PDE8A: variants seen among roughly 807,000 people sequenced by gnomAD.
PDE8A encodes phosphodiesterase 8A, also known as high affinity cAMP-specific and IBMX-insensitive 3',5'-cyclic phosphodiesterase 8A.
In PDE8A, 59 loss-of-function variants were observed where a neutral mutation model predicts 105.0. That is an observed-to-expected ratio of 0.56 (90% CI 0.46 to 0.70). The LOEUF (loss-of-function observed/expected upper bound fraction) is 0.70, where lower values mean the gene tolerates loss of function less well. Ranked by LOEUF, PDE8A falls within the 30% of genes least tolerant of loss-of-function variation. The probability of loss-of-function intolerance (pLI) is 0.00; values close to 1 mark genes in which losing one functional copy is unlikely to be tolerated. For missense variants in PDE8A, 1,014 were observed against 1,045.9 expected (o/e 0.97, Z 0.42); for synonymous variants, 355 against 371.9 (o/e 0.95, Z 0.52).
chr15:85,110,084 C>A (rs2081999614), intron 12 of PDE8A, among the ~76,000 whole-genome samples: 2 of 152,114 alleles, frequency 1.3e-5, no homozygotes, highest in Admixed American at 1.3e-4. Context: ...TGTGAGGATT[C>A]AATGAGTGTG....
At chr15:84,998,786 A>G (rs1467897478) in intron 1 of PDE8A, among the ~76,000 whole-genome samples, 5 of 152,158 alleles carry the variant, frequency 3.3e-5, no homozygotes, top group Non-Finnish European at 7.3e-5. Context: ...ACTTCCCATG[A>G]GGTGAATTAT....
At chr15:85,133,817 G>A (rs1391528738) in intron 20 of PDE8A, among the ~76,000 whole-genome samples, 1 of 152,212 alleles carries the variant, frequency 6.6e-6, no homozygotes, top group Non-Finnish European at 1.5e-5. Context: ...GATACTAAGA[G>A]TGCCAGGGCC....
At chr15:85,115,827 G>A (rs1468143794) in intron 15 of PDE8A, 157 bp from the exon 16 acceptor site, 2 of 644,972 alleles carry the variant, frequency 3.1e-6, no homozygotes, top group East Asian at 2.8e-5. Context: ...GGCTGAGGCA[G>A]GAGAATCACT....
At chr15:85,074,530 G>A (rs1006631388) in intron 3 of PDE8A, among the ~76,000 whole-genome samples, 5 of 152,128 alleles carry the variant, frequency 3.3e-5, no homozygotes, top group East Asian at 1.9e-4. Context: ...GTGAGACCTC[G>A]TCTCTACAAA....
intron 3 of PDE8A, among the ~76,000 whole-genome samples, chr15:85,072,612 A>G (rs766762979): frequency 5.3e-5 from 8 of 152,202 alleles, no homozygotes; most frequent in Non-Finnish European, 7.3e-5. Context: ...ACCATGAGGA[A>G]GAAACCTCAT....
intron 1 of PDE8A, among the ~76,000 whole-genome samples, chr15:84,987,555 T>G (rs1040359085): frequency 1.4e-5 from 2 of 139,926 alleles, no homozygotes; most frequent in South Asian, 4.8e-4. Context: ...TACCACAACC[T>G]CCGCCTCCCG....
At chr15:85,087,368 A>C (rs1271499026) in intron 6 of PDE8A, among the ~76,000 whole-genome samples, 2 of 151,960 alleles carry the variant, frequency 1.3e-5, no homozygotes, top group African/African-American at 4.8e-5. Context: ...AGGCCAGCTA[A>C]TTTTTTATTT....
chr15:85,068,305 G>A (rs758740562), intron 3 of PDE8A, among the ~76,000 whole-genome samples: 1 of 152,140 alleles, frequency 6.6e-6, no homozygotes, highest in South Asian at 2.1e-4. Context: ...CTCCCAAAGT[G>A]CTGGGATTAC....
intron 1 of PDE8A, among the ~76,000 whole-genome samples, chr15:85,056,613 C>G (rs2081063853): frequency 6.6e-6 from 1 of 152,182 alleles, no homozygotes; most frequent in Non-Finnish European, 1.5e-5. Flanking sequence ...GCTACTGAAG[C>G]TTGTGCATGT....
At position 85,053,198 on chromosome 15, in the gene PDE8A, G is replaced by T. The variant is rs534880144; in HGVS notation, c.187-11172G>T. 1.7e-4 allele frequency among the ~76,000 whole-genome samples: 26 copies of T among 152,314 alleles called. 2 individuals carry two copies. The South Asian group carries it at 5.2e-3, about 30-fold the overall frequency. ...GGTCTATATCTCTGTTTTGGTACCA[G>T]TACCATGCTGTTTTGGTTACTGTAG... On this transcript the variant is annotated intron_variant, in intron 1 of 21. Coordinates refer to ENST00000394553, the MANE Select transcript of PDE8A (RefSeq NM_002605.3).
In PDE8A at chr15:85,012,469, G is replaced by A. The variant is rs978663978; in HGVS notation, c.186+30121G>A. Among the ~76,000 whole-genome samples, 487 of 145,418 alleles carry A rather than the reference G, an allele frequency of 3.3e-3. 2 individuals are homozygous for A. The highest frequency in any genetic ancestry group is 0.012 in the African/African-American group (464 of 39,498). On this transcript the variant is annotated intron_variant, in intron 1 of 21. Transcript: ENST00000394553. Reference sequence around the variant, plus strand: ...AAGGACAAAAAACCAAACACCGCATGTTCTCACTCATAGGTGGGAATTGAA... The same window carrying A: ...AAGGACAAAAAACCAAACACCGCATATTCTCACTCATAGGTGGGAATTGAA...
intron 1 of PDE8A, among the ~76,000 whole-genome samples, chr15:85,024,233 G>A (rs1596452697): frequency 6.6e-6 from 1 of 151,262 alleles, no homozygotes; most frequent in Non-Finnish European, 1.5e-5. Flanking sequence ...CCATATCATC[G>A]TCTGCTGTCC....
At chr15:85,127,095 G>A (rs2082269432) in intron 20 of PDE8A, among the ~76,000 whole-genome samples, 1 of 152,142 alleles carries the variant, frequency 6.6e-6, no homozygotes, top group African/African-American at 2.4e-5. Flanking sequence ...TACTTGGGAG[G>A]CTGAGGCAGG....
chr15:85,066,273 G>T (rs537015720), intron 2 of PDE8A, among the ~76,000 whole-genome samples: 1 of 151,996 alleles, frequency 6.6e-6, no homozygotes, highest in Non-Finnish European at 1.5e-5. Flanking sequence ...AAAAAAGTAG[G>T]CATATGGCCA....
At chr15:85,111,630 G>A (rs1365643941) in intron 12 of PDE8A, among the ~76,000 whole-genome samples, 1 of 152,166 alleles carries the variant, frequency 6.6e-6, no homozygotes, top group Admixed American at 6.5e-5. Flanking sequence ...CCTGGTAGTA[G>A]GTAGCTGTTC....
chr15:85,046,132 G>GT (rs2080884140), intron 1 of PDE8A, among the ~76,000 whole-genome samples: 1 of 139,526 alleles, frequency 7.2e-6, no homozygotes, highest in South Asian at 2.2e-4. Context: ...CAGTGGCTCT[G>GT]TCTCAGCTCA....
chr15:85,079,796 C>A (rs1299809003), intron 5 of PDE8A, among the ~76,000 whole-genome samples: 2 of 152,118 alleles, frequency 1.3e-5, no homozygotes, highest in African/African-American at 4.8e-5. Context: ...ACCTGTAATC[C>A]CAGCTACTCA....
intron 1 of PDE8A, among the ~76,000 whole-genome samples, chr15:85,043,700 G>GTT: frequency 6.6e-6 from 1 of 151,188 alleles, no homozygotes; most frequent in African/African-American, 2.5e-5. Context: ...TTGTTTGTTT[G>GTT]TTTGTTTGTT....
intron 6 of PDE8A, among the ~76,000 whole-genome samples, chr15:85,089,047 A>T (rs1053541004): frequency 6.6e-6 from 1 of 152,136 alleles, no homozygotes; most frequent in Non-Finnish European, 1.5e-5. Flanking sequence ...TCACTTGCCC[A>T]GGGTCCCACA....
Sources: gnomAD v4.1 joint callset for allele counts (sites outside exome capture counted in the v4.1 genomes callset) on GRCh38, gnomAD v4.1.1 for gene constraint, MANE v1.5 for transcripts, NCBI Gene and HGNC (gene_info 2026-07-23, HGNC 2026-07-21) for gene names.